TMEM163: variants seen among roughly 807,000 people sequenced by gnomAD.
The protein encoded by TMEM163 is transmembrane protein 163.
TMEM163 carries 17 observed loss-of-function variants against 29.3 expected under a neutral mutation model. The observed-to-expected ratio is 0.58, with a 90% CI of 0.40 to 0.87. The LOEUF (loss-of-function observed/expected upper bound fraction) is 0.87. Ranked by LOEUF, TMEM163 falls within the 40% of genes least tolerant of loss-of-function variation. TMEM163 has a pLI of 0.00. For synonymous variants in TMEM163, 157 were observed against 160.6 expected, an observed-to-expected ratio of 0.98 and a Z score of 0.17; for missense variants, 303 against 381.5, an observed-to-expected ratio of 0.79 and a Z score of 1.71.
At chr2:134,511,153 C>CGGGGGGGGG (rs10639023) in intron 4 of TMEM163, among the ~76,000 whole-genome samples, 1 of 122,388 alleles carries the variant, frequency 8.2e-6, no homozygotes, top group African/African-American at 3.7e-5. Flanking sequence ...GAGAACAAGG[C>CGGGGGGGGG]GGGGGGGGGT....
At chr2:134,615,651 CTTTTTTTTTTTTTT>C (rs35159964) in intron 2 of TMEM163, among the ~76,000 whole-genome samples, 1 of 79,150 alleles carries the variant, frequency 1.3e-5, no homozygotes, top group Admixed American at 1.5e-4. Flanking sequence ...AAGAGCAGAG[CTTTTTTTTTTTTTT>C]TTTTTTTTTG....
intron 5 of TMEM163, among the ~76,000 whole-genome samples, chr2:134,500,745 G>A (rs1029562927): frequency 6.6e-6 from 1 of 152,022 alleles, no homozygotes; most frequent in Non-Finnish European, 1.5e-5. Flanking sequence ...AGCATCACAT[G>A]TTTTCACTCA....
intron 6 of TMEM163, among the ~76,000 whole-genome samples, chr2:134,461,145 C>G (rs1383235795): frequency 6.6e-6 from 1 of 152,236 alleles, no homozygotes; most frequent in African/African-American, 2.4e-5. Flanking sequence ...CCCACAGTTG[C>G]AACCACAGAT....
At chr2:134,527,442 T>C (rs1456176285) in intron 4 of TMEM163, among the ~76,000 whole-genome samples, 1 of 152,044 alleles carries the variant, frequency 6.6e-6, no homozygotes. Context: ...ATCCTTAACA[T>C]GTGCAAAAGA....
chr2:134,478,849 T>A (rs1686978384), intron 5 of TMEM163, among the ~76,000 whole-genome samples: 1 of 152,194 alleles, frequency 6.6e-6, no homozygotes, highest in African/African-American at 2.4e-5. Flanking sequence ...TCAGCCCCTC[T>A]CATCGCAGCC....
At chr2:134,516,684 TGC>T (rs1680068662) in intron 4 of TMEM163, among the ~76,000 whole-genome samples, 1 of 140,114 alleles carries the variant, frequency 7.1e-6, no homozygotes, top group Admixed American at 7.3e-5. Flanking sequence ...CATACATATA[TGC>T]ATATATATGC....
intron 5 of TMEM163, among the ~76,000 whole-genome samples, chr2:134,489,640 T>C (rs935491976): frequency 6.6e-6 from 1 of 151,612 alleles, no homozygotes. Context: ...CCCACAACAA[T>C]GTTATAGTTC....
chr2:134,543,103 C>T (rs1297726465), intron 4 of TMEM163, among the ~76,000 whole-genome samples: 2 of 152,172 alleles, frequency 1.3e-5, no homozygotes, highest in Non-Finnish European at 1.5e-5. Flanking sequence ...ATATCTTTTA[C>T]GGGGACACAA....
intron 2 of TMEM163, among the ~76,000 whole-genome samples, chr2:134,707,662 G>A (rs1684843719): frequency 6.6e-6 from 1 of 152,074 alleles, no homozygotes; most frequent in Non-Finnish European, 1.5e-5. Flanking sequence ...CATGCAGGAG[G>A]GGCACAAAGG....
At chr2:134,468,307 G>A (rs927090986) in intron 5 of TMEM163, 2 of 152,266 alleles carry the variant, frequency 1.3e-5, no homozygotes, top group African/African-American at 2.4e-5. Flanking sequence ...CCGCATGTGA[G>A]GACACAGGAA....
At chr2:134,547,035 G>T (rs1680805143) in intron 4 of TMEM163, among the ~76,000 whole-genome samples, 2 of 152,042 alleles carry the variant, frequency 1.3e-5, no homozygotes, top group Non-Finnish European at 2.9e-5. Flanking sequence ...AGGGACTAGG[G>T]GACAGGGGAA....
intron 2 of TMEM163, among the ~76,000 whole-genome samples, chr2:134,575,020 C>T (rs908826431): frequency 6.6e-6 from 1 of 151,486 alleles, no homozygotes; most frequent in African/African-American, 2.4e-5. Context: ...CCAAGCAAGG[C>T]CAGCCCAGAC....
intron 2 of TMEM163, among the ~76,000 whole-genome samples, chr2:134,696,555 ATTTT>A (rs1378369413): frequency 6.6e-6 from 1 of 152,130 alleles, no homozygotes; most frequent in Admixed American, 6.5e-5. Context: ...TTCAGATCTT[ATTTT>A]ATCATTTTAA....
intron 2 of TMEM163, among the ~76,000 whole-genome samples, chr2:134,677,072 C>T (rs1684130826): frequency 6.6e-6 from 1 of 152,086 alleles, no homozygotes; most frequent in African/African-American, 2.4e-5. Flanking sequence ...ATGAAAATGT[C>T]CACACTCCCT....
intron 2 of TMEM163, among the ~76,000 whole-genome samples, chr2:134,670,264 G>A (rs1683964352): frequency 6.6e-6 from 1 of 151,986 alleles, no homozygotes. Context: ...AAAAAAGTAA[G>A]AGTTTAATTT....
At chr2:134,477,331 T>A (rs1000947958) in intron 5 of TMEM163, among the ~76,000 whole-genome samples, 3 of 152,218 alleles carry the variant, frequency 2.0e-5, no homozygotes, top group African/African-American at 7.2e-5. Flanking sequence ...AACTGTACCA[T>A]AGTGCGATCT....
chr2:134,504,797 G>C (rs1475436592), intron 4 of TMEM163, among the ~76,000 whole-genome samples: 1 of 152,326 alleles, frequency 6.6e-6, no homozygotes, highest in Non-Finnish European at 1.5e-5. Context: ...TGCGCCTGGG[G>C]CTGGGAACCA....
At chr2:134,606,272 T>C (rs1223980347) in intron 2 of TMEM163, among the ~76,000 whole-genome samples, 10 of 151,718 alleles carry the variant, frequency 6.6e-5, no homozygotes, top group Admixed American at 2.0e-4. Context: ...TTCTGCCCTC[T>C]GTGGAGGTTG....
intron 2 of TMEM163, among the ~76,000 whole-genome samples, chr2:134,601,265 A>G (rs1276402105): frequency 2.6e-5 from 4 of 152,336 alleles, no homozygotes; most frequent in African/African-American, 9.6e-5. Context: ...GGCCCTAAGC[A>G]CTTCATCTGT....
Sources: gnomAD v4.1 joint callset for allele counts (sites outside exome capture counted in the v4.1 genomes callset) on GRCh38, gnomAD v4.1.1 for gene constraint, MANE v1.5 for transcripts, NCBI Gene and HGNC (gene_info 2026-07-23, HGNC 2026-07-21) for gene names.